The following TEX54 variants were observed in gnomAD, a reference collection of about 807,000 sequenced individuals.
TEX54 encodes testis-expressed protein 54.
For synonymous variants in TEX54, 17 were observed against 7.0 expected (o/e 2.42, Z -2.24); for missense variants, 58 against 19.6 (o/e 2.96, Z -3.70).
At chr11:62,832,692 T>C (rs2084888471) in exon 1 of TEX54, 1 of 496,256 alleles carries the variant, frequency 2.0e-6, no homozygotes, top group East Asian at 3.3e-5. Flanking sequence ...GTCCTCAGAC[T>C]CTTCCTCCTT....
exon 1 of TEX54, chr11:62,832,449 C>G (rs1470143630): frequency 6.6e-6 from 3 of 451,470 alleles, no homozygotes; most frequent in Admixed American, 3.9e-5. Context: ...GTCTGGTTGC[C>G]TCTTGCTTGG....
At chr11:62,832,665 G>T in exon 1 of TEX54, 1 of 477,062 alleles carries the variant, frequency 2.1e-6, no homozygotes, top group Non-Finnish European at 3.7e-6. Context: ...TGTGTCTGTG[G>T]TCTCATCTTC....
upstream of TEX54, chr11:62,832,830 C>A: frequency 8.3e-7 from 1 of 1,209,736 alleles, no homozygotes; most frequent in South Asian, 1.7e-5. Context: ...CATCAGATAT[C>A]CCGTCGCCCC....
chr11:62,832,805 GC>G, upstream of TEX54: 1 of 1,030,466 alleles, frequency 9.7e-7, no homozygotes, highest in Non-Finnish European at 1.4e-6. Flanking sequence ...CTGCCTCCAG[GC>G]CCGGCTTTTG....
At position 62,832,774 on chromosome 11, in the gene TEX54, G is replaced by A. The variant is rs1442595276; in HGVS notation, c.-24C>T. ...ATGGCCCCGCGTGGCCCTGGACTCC[G>A]TGCCACCCACGCCAGCCTGCCTGCC... On this transcript the variant is annotated 5_prime_UTR_variant, in exon 1 of 1. It adds an upstream start codon to the 5' untranslated region. Transcript: ENST00000636508. 2.2e-5 allele frequency: 16 copies of A among 735,068 alleles called. No individual in the cohort carries two copies. Among genetic ancestry groups the A allele is most frequent in the Non-Finnish European group, 3.0e-5 (14 of 470,818 alleles). 45.5% of individuals were successfully genotyped at this position (735,068 alleles called of 1,614,324 possible). A position where few individuals can be genotyped will look rare whatever the true frequency, so the allele number is the denominator to read the frequency against.
chr11:62,832,614 C>G, exon 1 of TEX54: 1 of 447,114 alleles, frequency 2.2e-6, no homozygotes, highest in South Asian at 5.5e-5. Context: ...CTCACCCCTA[C>G]CCTCGGGAAG....
exon 1 of TEX54, chr11:62,832,765 C>T (rs1193956225): frequency 1.5e-6 from 1 of 668,888 alleles, no homozygotes; most frequent in Non-Finnish European, 2.4e-6. Flanking sequence ...CCGCGTGGCC[C>T]TGGACTCCGT....
At chr11:62,832,532 C>G (rs970706447) in exon 1 of TEX54, 2 of 433,664 alleles carry the variant, frequency 4.6e-6, no homozygotes, top group African/African-American at 4.1e-5. Flanking sequence ...TTTCGTTCGA[C>G]TTGTGATTCG....
At chr11:62,832,426 G>A in the TEX54 span, 1 of 471,628 alleles carries the variant, frequency 2.1e-6, no homozygotes, top group Non-Finnish European at 3.7e-6. Context: ...GGACTCTCCT[G>A]CTTCCGAATC....
At chr11:62,832,569 T>A in exon 1 of TEX54, 1 of 435,132 alleles carries the variant, frequency 2.3e-6, no homozygotes, top group Non-Finnish European at 4.0e-6. Context: ...CAAGTCGATA[T>A]CTTCGGCGCC....
At chr11:62,832,380 C>G in exon 1 of TEX54, 1 of 485,804 alleles carries the variant, frequency 2.1e-6, no homozygotes, top group Non-Finnish European at 3.6e-6. Flanking sequence ...CTGGGGTCAT[C>G]CCTTCTCCGG....
exon 1 of TEX54, chr11:62,832,381 C>T: frequency 2.1e-6 from 1 of 482,514 alleles, no homozygotes; most frequent in Non-Finnish European, 3.7e-6. Context: ...TGGGGTCATC[C>T]CTTCTCCGGC....
exon 1 of TEX54, chr11:62,832,803 A>T (rs2084890399): frequency 9.9e-7 from 1 of 1,012,208 alleles, no homozygotes; most frequent in Non-Finnish European, 1.4e-6. Flanking sequence ...GCCTGCCTCC[A>T]GGCCCGGCTT....
chr11:62,832,652 T>G (rs1049408846), exon 1 of TEX54: 9 of 467,224 alleles, frequency 1.9e-5, no homozygotes, highest in Admixed American at 1.6e-4. Context: ...TGGGCCCTCT[T>G]TGTGTGTCTG....
chr11:62,832,759 G>T, exon 1 of TEX54: 1 of 606,622 alleles, frequency 1.6e-6, no homozygotes, highest in East Asian at 3.0e-5. Flanking sequence ...ATGGCCCCGC[G>T]TGGCCCTGGA....
chr11:62,832,469 G>A (rs1319913263), exon 1 of TEX54: 4 of 449,864 alleles, frequency 8.9e-6, no homozygotes, highest in Non-Finnish European at 1.6e-5. Context: ...GCCGCGAGGA[G>A]CCCCGACGAC....
chr11:62,832,477 G>C (rs956179553), exon 1 of TEX54: 2 of 448,546 alleles, frequency 4.5e-6, no homozygotes, highest in Non-Finnish European at 7.9e-6. Flanking sequence ...GAGCCCCGAC[G>C]ACCGAACGTG....
upstream of TEX54, chr11:62,832,833 G>A (rs2084890782): frequency 3.3e-6 from 4 of 1,229,360 alleles, no homozygotes; most frequent in Non-Finnish European, 4.4e-6. Context: ...CAGATATCCC[G>A]TCGCCCCAGC....
exon 1 of TEX54, chr11:62,832,326 TAGA>T: frequency 3.5e-6 from 2 of 575,932 alleles, no homozygotes. Context: ...AGGTATACGT[TAGA>T]AATTTTATTC....
Sources: allele counts gnomAD v4.1 joint callset, GRCh38; gene constraint gnomAD v4.1.1; transcripts MANE v1.5; gene names NCBI Gene and HGNC (gene_info 2026-07-23, HGNC 2026-07-21).